Variants in SUPT5H observed in about 807,000 individuals in gnomAD.
SUPT5H encodes the protein SPT5 homolog, DSIF elongation factor subunit, also known as transcription elongation factor SPT5.
Under a neutral mutation model 142.5 loss-of-function variants are expected in SUPT5H, and 24 were observed. That is an observed-to-expected ratio of 0.17 (90% CI 0.12 to 0.24). The LOEUF is 0.24. Ranked by LOEUF, SUPT5H falls within the 10% of genes least tolerant of loss-of-function variation. SUPT5H has a pLI of 1.00. For synonymous variants in SUPT5H, 546 were observed against 553.0 expected (o/e 0.99, Z 0.18); for missense variants, 893 against 1,471.8 (o/e 0.61, Z 6.43).
chr19:39,452,566 A>G (rs2079034136), intron 2 of SUPT5H, among the ~76,000 whole-genome samples: 1 of 152,172 alleles, frequency 6.6e-6, no homozygotes, highest in Non-Finnish European at 1.5e-5. Flanking sequence ...CTGGGATGGT[A>G]GGGAATACAG....
At chr19:39,447,913 G>A (rs1030657529) in intron 2 of SUPT5H, among the ~76,000 whole-genome samples, 1 of 152,208 alleles carries the variant, frequency 6.6e-6, no homozygotes, top group Non-Finnish European at 1.5e-5. Context: ...CTTGTTTGAT[G>A]CACAGAAACT....
chr19:39,464,788 C>T lies in SUPT5H; in HGVS notation c.625-10C>T. On this transcript the variant is annotated splice_polypyrimidine_tract_variant and intron_variant, in intron 10 of 29. Transcript: ENST00000432763. The stretch of plus-strand genomic sequence containing the variant: ...TCACTGTTTCCTCCTTCCACCGGCT[C>T]ACCCTGCAGCCCCTGCAGATCAAGT... 6.3e-7 allele frequency: 1 copy of T among 1,589,622 alleles called. No homozygotes were observed. The highest frequency in any genetic ancestry group is 2.3e-5 in the East Asian group (1 of 44,378).
intron 3 of SUPT5H, 135 bp downstream of exon 3, chr19:39,453,656 G>T (rs1481537804): frequency 1.9e-6 from 2 of 1,038,444 alleles, no homozygotes; most frequent in Non-Finnish European, 2.6e-6. Flanking sequence ...TTGGCTCACT[G>T]CAAGTTCATG....
In SUPT5H at chr19:39,459,091, G is replaced by A; in HGVS notation, c.458+18G>A. 1.2e-6 allele frequency: 2 copies of A among 1,613,876 alleles called. No homozygotes were observed. Among genetic ancestry groups the A allele is most frequent in the Non-Finnish European group, 1.7e-6 (2 of 1,179,900 alleles). ...GGAGAGACGTAAGGGCATGGTGGGG[G>A]CAGGTGGGGGCAGGGAGCAGGTGGT... On this transcript the variant is annotated intron_variant, in intron 7 of 29. Transcript: ENST00000432763.
Position 39,469,910 on chromosome 19 carries a change from G to A in SUPT5H, c.1375-209G>A. On this transcript the variant is annotated intron_variant, in intron 16 of 29. Coordinates refer to ENST00000432763, the MANE Select transcript of SUPT5H (RefSeq NM_001111020.3). The surrounding 1 kb of genome is among the most constrained non-coding windows in gnomAD (Gnocchi z 5.1). ...GTCTTGAGGGCGGGCTGGGGTAAAG[G>A]TTGTCCAGGTTGGTGTCCTGTGTCT... The A allele has an allele frequency of 1.7e-6, 1 of 604,942 alleles. No individual in the cohort carries two copies. 37.5% of individuals were successfully genotyped at this position (604,942 alleles called of 1,614,324 possible).
At position 39,471,513 on chromosome 19, in the gene SUPT5H, A is replaced by T. The variant is rs1212548321; in HGVS notation, c.1824+10A>T. The T allele has an allele frequency of 6.2e-7, 1 of 1,614,074 alleles. No homozygotes were observed. Among genetic ancestry groups the T allele is most frequent in the East Asian group, 2.2e-5 (1 of 44,906 alleles). On this transcript the variant is annotated intron_variant, in intron 19 of 29. Coordinates refer to ENST00000432763, the MANE Select transcript of SUPT5H (RefSeq NM_001111020.3). Reference sequence around the variant, plus strand: ...TGATGGCCCCCACTCAGTGAGTACAAGTTCCTGCTTTTGAGCTGCATCTGA... The same window carrying T: ...TGATGGCCCCCACTCAGTGAGTACATGTTCCTGCTTTTGAGCTGCATCTGA...
rs925367625 is a variant in SUPT5H, at chr19:39,472,297, G to A, written c.1951-112G>A. 4.2e-5 allele frequency: 41 copies of A among 967,384 alleles called. No individual in the cohort carries two copies. The highest frequency in any genetic ancestry group is 6.7e-5 in the Non-Finnish European group (41 of 610,086). The allele number at this position is 967,384 out of a possible 1,614,324, so 59.9% of individuals were successfully genotyped here. A position where few individuals can be genotyped will look rare whatever the true frequency, so the allele number is the denominator to read the frequency against. On this transcript the variant is annotated intron_variant, in intron 20 of 29. Transcript: ENST00000432763. The surrounding 1 kb of genome is among the most constrained non-coding windows in gnomAD (Gnocchi z 4.2). ...TGTCACAGAGGAATTCAGGCCTGGG[G>A]TGTGGGTGGCTGGGTGGTCTCCTCA...
intron 10 of SUPT5H, among the ~76,000 whole-genome samples, chr19:39,462,197 C>G (rs1337634105): frequency 6.6e-6 from 1 of 152,200 alleles, no homozygotes; most frequent in Non-Finnish European, 1.5e-5. Flanking sequence ...TTCTGAGCCA[C>G]TGTGCCCAGC....
intron 2 of SUPT5H, among the ~76,000 whole-genome samples, chr19:39,452,782 G>A (rs1028254104): frequency 1.3e-4 from 19 of 151,994 alleles, no homozygotes; most frequent in African/African-American, 3.1e-4. Context: ...AGGCAGAGGC[G>A]GATGGATCAC....
At position 39,469,064 on chromosome 19, in the gene SUPT5H, C is replaced by T. The variant is rs1177322041; in HGVS notation, c.1144-15C>T. On this transcript the variant is annotated splice_polypyrimidine_tract_variant and intron_variant, in intron 14 of 29. Coordinates refer to ENST00000432763, the MANE Select transcript of SUPT5H (RefSeq NM_001111020.3). This position sits in a 1 kb window ranked among gnomAD's most constrained non-coding sequence, Gnocchi z 5.1. ...GGTCCATTTCCTTCTCTTCCCCTCA[C>T]CGCTGGGGGCTTAGATCACGGAGGG... is the stretch of plus-strand genomic sequence containing the variant. The T allele has an allele frequency of 6.2e-7, 1 of 1,613,984 alleles. No homozygotes were observed.
chr19:39,472,433 G>A lies in SUPT5H; in HGVS notation c.1975G>A (p.Val659Met), dbSNP rs1053041164. Residue 659 changes from valine to methionine, a missense_variant, in exon 21 of 30, where the codon GTG (valine) becomes ATG (methionine). Val to Met is a conservative substitution (Grantham distance 21). Around this residue, in one of 6 missense-constraint regions of SUPT5H, gnomAD observed 428 missense variants for 763.5 expected, o/e 0.56. Transcript: ENST00000432763. The surrounding 1 kb of genome is among the most constrained non-coding windows in gnomAD (Gnocchi z 4.2). ...GCCCCGTGATGTGACCAACTTCACC[G>A]TGGGTGGCTTTGCGCCTATGAGTCC... ...SKPRDVTNFT[V>M]GGFAPMSPRI... is the part of the protein sequence containing the mutation. 6 of 1,613,972 alleles carry A rather than the reference G, an allele frequency of 3.7e-6. No homozygotes were observed. The highest frequency in any genetic ancestry group is 2.7e-5 in the African/African-American group (2 of 74,916).
Position 39,447,599 on chromosome 19 carries a change from A to G in SUPT5H, c.75+1634A>G, listed in dbSNP as rs185606822. Among the ~76,000 whole-genome samples the G allele has an allele frequency of 3.4e-4, 51 of 152,102 alleles. 1 individual carries two copies. In the East Asian group the frequency reaches 5.2e-3, roughly 16 times the overall value. On this transcript the variant is annotated intron_variant, in intron 2 of 29. Coordinates refer to ENST00000432763, the MANE Select transcript of SUPT5H (RefSeq NM_001111020.3). ...ACATCAGGCTAATTTCTGTATTTTTAGTAGAGACGGGGTTTCACTGTGTTG... is the reference window on the plus strand; with the variant it reads ...ACATCAGGCTAATTTCTGTATTTTTGGTAGAGACGGGGTTTCACTGTGTTG...
chr19:39,467,543 A>G (rs2079259047), intron 13 of SUPT5H: 1 of 152,262 alleles, frequency 6.6e-6, no homozygotes, highest in South Asian at 2.1e-4. Context: ...CAGGCTTTAG[A>G]AAGTCTCCTT....
At chr19:39,454,251 T>G (rs947624679) in intron 3 of SUPT5H, among the ~76,000 whole-genome samples, 1 of 152,216 alleles carries the variant, frequency 6.6e-6, no homozygotes, top group African/African-American at 2.4e-5. Flanking sequence ...GCTGTAGTTT[T>G]TTCATCGAAC....
At chr19:39,453,943 A>C (rs2079053343) in intron 3 of SUPT5H, among the ~76,000 whole-genome samples, 1 of 149,610 alleles carries the variant, frequency 6.7e-6, no homozygotes, top group Non-Finnish European at 1.5e-5. Context: ...GAAATGCATA[A>C]AACAAAATAC....
chr19:39,459,606 C>T lies in SUPT5H; in HGVS notation c.555+17C>T, dbSNP rs754008995. ...AAATGTAAGGTATGTGCTCTGATCT[C>T]GGGGCTTGGAGGAGGTGGGAGAATG... On this transcript the variant is annotated intron_variant, in intron 9 of 29. Transcript: ENST00000432763. The T allele has an allele frequency of 1.2e-5, 19 of 1,613,582 alleles. No individual in the cohort carries two copies. Among genetic ancestry groups the T allele is most frequent in the South Asian group, 2.2e-5 (2 of 91,064 alleles).
chr19:39,466,664 T>C lies in SUPT5H; in HGVS notation c.967-11T>C. ...CCTCACCCTTCCCACCCATGCCCCT[T>C]TCCTCCATAGAAAGACTGGTTTGCC... On this transcript the variant is annotated splice_polypyrimidine_tract_variant and intron_variant, in intron 12 of 29. Transcript: ENST00000432763. The surrounding 1 kb of genome is among the most constrained non-coding windows in gnomAD (Gnocchi z 4.3). 6.2e-7 allele frequency: 1 copy of C among 1,614,150 alleles called. No individual in the cohort carries two copies. Among genetic ancestry groups the C allele is most frequent in the Non-Finnish European group, 8.5e-7 (1 of 1,180,012 alleles).
At position 39,469,838 on chromosome 19, in the gene SUPT5H, G is replaced by C; in HGVS notation, c.1375-281G>C. The C allele has an allele frequency of 2.0e-6, 1 of 490,112 alleles. No homozygotes were observed. The highest frequency in any genetic ancestry group is 3.7e-6 in the Non-Finnish European group (1 of 271,372). The allele number at this position is 490,112 out of a possible 1,614,324, so 30.4% of individuals were successfully genotyped here. On this transcript the variant is annotated intron_variant, in intron 16 of 29. Coordinates refer to ENST00000432763, the MANE Select transcript of SUPT5H (RefSeq NM_001111020.3). This position sits in a 1 kb window ranked among gnomAD's most constrained non-coding sequence, Gnocchi z 5.1. Reference sequence around the variant, plus strand: ...GAGGAGCTGTCCAGTCGGGGGTCCTGTGTCTGAGGGGCAGGCTCTCTGTGT... The same window carrying C: ...GAGGAGCTGTCCAGTCGGGGGTCCTCTGTCTGAGGGGCAGGCTCTCTGTGT...
Position 39,472,997 on chromosome 19 carries a change from C to G in SUPT5H, c.2156-15C>G. ...AAGGAGAGCCTGCCCAGCCTGACCTCCTGTCCCCCTGCAGGCTACATCGGT... is the reference window on the plus strand; with the variant it reads ...AAGGAGAGCCTGCCCAGCCTGACCTGCTGTCCCCCTGCAGGCTACATCGGT... On this transcript the variant is annotated splice_polypyrimidine_tract_variant and intron_variant, in intron 22 of 29. Transcript: ENST00000432763. The surrounding 1 kb of genome is among the most constrained non-coding windows in gnomAD (Gnocchi z 4.2). The G allele has an allele frequency of 6.2e-7, 1 of 1,613,282 alleles. No homozygotes were observed. The highest frequency in any genetic ancestry group is 8.5e-7 in the Non-Finnish European group (1 of 1,179,394).
Sources: allele counts gnomAD v4.1 joint callset (sites outside exome capture counted in the v4.1 genomes callset), GRCh38; gene constraint gnomAD v4.1.1; regional missense constraint gnomAD v4.1.1; non-coding constraint Gnocchi (gnomAD v3.1); transcripts MANE v1.5; gene names NCBI Gene and HGNC (gene_info 2026-07-23, HGNC 2026-07-21).